Variants in PDE1C observed in about 807,000 individuals in gnomAD.
PDE1C encodes phosphodiesterase 1C, also known as dual specificity calcium/calmodulin-dependent 3',5'-cyclic nucleotide phosphodiesterase 1C.
In PDE1C, 62 loss-of-function variants were observed where a neutral mutation model predicts 93.1. The observed-to-expected ratio is 0.67, with a 90% confidence interval of 0.54 to 0.82. The LOEUF (loss-of-function observed/expected upper bound fraction) is 0.82, where lower values mean the gene tolerates loss of function less well. Among genes scored for constraint, PDE1C ranks in the 40% least tolerant of loss-of-function variants. The pLI, the probability that PDE1C is intolerant of heterozygous loss-of-function variation, is 0.00. For missense variants in PDE1C, 742 were observed against 884.6 expected (o/e 0.84, Z 2.04); for synonymous variants, 325 against 310.1 (o/e 1.05, Z -0.50).
At chr7:32,325,135 G>A (rs1342901782) in intron 1 of PDE1C, among the ~76,000 whole-genome samples, 1 of 152,126 alleles carries the variant, frequency 6.6e-6, no homozygotes, top group Non-Finnish European at 1.5e-5. Context: ...TTATTGTTTT[G>A]ACCCAAGTTA....
chr7:31,680,832 T>G, the PDE1C span, among the ~76,000 whole-genome samples: 4 of 151,984 alleles, frequency 2.6e-5, no homozygotes, highest in Non-Finnish European at 5.9e-5. Context: ...CTGCAAAAAC[T>G]GAGTGAAAGG....
At chr7:32,060,327 C>T (rs1180074566) in intron 1 of PDE1C, among the ~76,000 whole-genome samples, 1 of 152,186 alleles carries the variant, frequency 6.6e-6, no homozygotes, top group African/African-American at 2.4e-5. Context: ...TTCCTCCCAA[C>T]TCTTATCAAA....
At chr7:31,790,235 T>A in intron 16 of PDE1C, 1 of 1,612,980 alleles carries the variant, frequency 6.2e-7, no homozygotes, top group Non-Finnish European at 8.5e-7. Context: ...TTATTGTCTA[T>A]GAGGTCTTTT....
In PDE1C at chr7:32,270,503, C is replaced by A. The variant is rs941799719; in HGVS notation, c.85+28148G>T. 2.6e-5 allele frequency among the ~76,000 whole-genome samples: 4 copies of A among 152,064 alleles called. No homozygotes were observed. The South Asian group carries it at 6.2e-4, about 24-fold the overall frequency. On this transcript the variant is annotated intron_variant, in intron 1 of 18. Coordinates refer to the PDE1C transcript ENST00000396193. ...GTGACCACTCCACCCATCAAGGCAC[C>A]CCAAAGACCGTTAGAAAAGGAGGTT...
intron 7 of PDE1C, among the ~76,000 whole-genome samples, chr7:31,851,437 G>A (rs1343369028): frequency 2.0e-5 from 3 of 152,154 alleles, no homozygotes. Context: ...GCTTTACCAA[G>A]CCATCTAGAT....
chr7:31,942,112 A>G (rs1327278335), intron 2 of PDE1C, among the ~76,000 whole-genome samples: 1 of 152,120 alleles, frequency 6.6e-6, no homozygotes, highest in Non-Finnish European at 1.5e-5. Context: ...ATTCGCCTCT[A>G]AAGACAGTCA....
chr7:32,312,955 G>C (rs78945330), intron 1 of PDE1C, among the ~76,000 whole-genome samples: 1 of 151,990 alleles, frequency 6.6e-6, no homozygotes, highest in African/African-American at 2.4e-5. Context: ...ACTTCTATCA[G>C]GTGAACAGGC....
chr7:31,718,383 C>T, the PDE1C span, among the ~76,000 whole-genome samples: 120 of 152,256 alleles, frequency 7.9e-4, no homozygotes, highest in East Asian at 0.021. Flanking sequence ...CTCTGCTACT[C>T]ACAGGTCTGA....
At chr7:32,244,832 A>C (rs1437166987) in intron 1 of PDE1C, among the ~76,000 whole-genome samples, 1 of 152,212 alleles carries the variant, frequency 6.6e-6, no homozygotes, top group Non-Finnish European at 1.5e-5. Flanking sequence ...GTTGTCCTCA[A>C]AGATGGGGCT....
At chr7:31,695,535 T>A in the PDE1C span, 6 of 1,613,864 alleles carry the variant, frequency 3.7e-6, no homozygotes, top group East Asian at 1.3e-4. Flanking sequence ...GGAAAAAATG[T>A]ACAGGCCACC....
intron 1 of PDE1C, among the ~76,000 whole-genome samples, chr7:32,242,850 T>G (rs1808639878): frequency 6.6e-6 from 1 of 152,144 alleles, no homozygotes; most frequent in South Asian, 2.1e-4. Flanking sequence ...AAAGTGGCCA[T>G]TCAGTGAAAA....
chr7:31,950,298 C>T (rs1807190550), intron 2 of PDE1C, among the ~76,000 whole-genome samples: 1 of 152,142 alleles, frequency 6.6e-6, no homozygotes, highest in African/African-American at 2.4e-5. Flanking sequence ...ACATGAAAAG[C>T]AGAAGTCTTA....
chr7:32,377,430 A>T (rs554142981), intron 1 of PDE1C, among the ~76,000 whole-genome samples: 13 of 152,344 alleles, frequency 8.5e-5, no homozygotes, highest in African/African-American at 2.9e-4. Context: ...GCTATTTTTA[A>T]GTAGCGTATG....
At chr7:32,115,471 G>A (rs1434621527) in intron 3 of PDE1C, among the ~76,000 whole-genome samples, 3 of 152,046 alleles carry the variant, frequency 2.0e-5, no homozygotes, top group Non-Finnish European at 4.4e-5. Context: ...CCTGTTGAGG[G>A]GAGGGGAGTG....
chr7:32,304,582 T>TAGGAG (rs2128902857), intron 1 of PDE1C, among the ~76,000 whole-genome samples: 1 of 152,228 alleles, frequency 6.6e-6, no homozygotes, highest in African/African-American at 2.4e-5. Context: ...AAAAAGCTCC[T>TAGGAG]CTTTTTGTTT....
At chr7:31,864,850 G>A (rs112402716) in intron 7 of PDE1C, 92 bp downstream of exon 7, 8 of 1,198,356 alleles carry the variant, frequency 6.7e-6, no homozygotes, top group African/African-American at 4.5e-5. Context: ...TGCATGACTC[G>A]TGGCCTCCAC....
intron 2 of PDE1C, among the ~76,000 whole-genome samples, chr7:31,996,168 C>T (rs1784704392): frequency 6.6e-6 from 1 of 151,920 alleles, no homozygotes. Context: ...CAACATAGGT[C>T]TCCCTTGCAA....
chr7:32,029,521 G>T lies in PDE1C; in HGVS notation c.128+22033C>A, dbSNP rs556327502. Among the ~76,000 whole-genome samples the T allele has an allele frequency of 2.0e-5, 3 of 152,124 alleles. No homozygotes were observed. The South Asian group carries it at 6.2e-4, about 32-fold the overall frequency. ...GATAGAATAAATCAAGAAATAATAG[G>T]TGCAAAGCCATCTAGGGTCTGCAAC... On this transcript the variant is annotated intron_variant, in intron 2 of 17. Coordinates refer to ENST00000396191, the MANE Select transcript of PDE1C (RefSeq NM_001191057.4).
At chr7:31,726,163 G>A in the PDE1C span, among the ~76,000 whole-genome samples, 10 of 152,118 alleles carry the variant, frequency 6.6e-5, no homozygotes, top group Non-Finnish European at 1.0e-4. Context: ...CAAACTCTTG[G>A]ACCCAAGCAT....
Sources: allele counts gnomAD v4.1 joint callset (sites outside exome capture counted in the v4.1 genomes callset), GRCh38; gene constraint gnomAD v4.1.1; transcripts MANE v1.5; gene names NCBI Gene and HGNC (gene_info 2026-07-23, HGNC 2026-07-21).